MAP7: variants seen among roughly 807,000 people sequenced by gnomAD.
MAP7 encodes ensconsin.
In MAP7, 52 loss-of-function variants were observed where a neutral mutation model predicts 94.8. The observed-to-expected ratio is 0.55, with a 90% confidence interval of 0.44 to 0.69. MAP7 has a LOEUF of 0.69. Ranked by LOEUF, MAP7 falls within the 30% of genes least tolerant of loss-of-function variation. MAP7 has a pLI of 0.00. For missense variants in MAP7, 940 were observed against 964.6 expected (o/e 0.97, Z 0.34); for synonymous variants, 350 against 357.0 (o/e 0.98, Z 0.22).
intron 1 of MAP7, among the ~76,000 whole-genome samples, chr6:136,466,056 AG>A (rs1392614960): frequency 6.6e-5 from 10 of 152,350 alleles, no homozygotes; most frequent in African/African-American, 2.4e-4. Context: ...TAGTCTATAA[AG>A]TTCCAATGCT....
At chr6:136,411,837 CTAGAGT>C in intron 2 of MAP7, 140 bp from the exon 3 acceptor site, 1 of 650,108 alleles carries the variant, frequency 1.5e-6, no homozygotes, top group Non-Finnish European at 2.6e-6. Flanking sequence ...GTACATGTGA[CTAGAGT>C]TACAGTGATC....
intron 1 of MAP7, among the ~76,000 whole-genome samples, chr6:136,533,751 C>T (rs1290184990): frequency 6.6e-6 from 1 of 152,138 alleles, no homozygotes; most frequent in Admixed American, 6.5e-5. Context: ...TTTTAAACAA[C>T]CAGCTCTCAC....
intron 5 of MAP7, among the ~76,000 whole-genome samples, chr6:136,386,256 C>T (rs1173894646): frequency 6.6e-6 from 1 of 152,182 alleles, no homozygotes; most frequent in Non-Finnish European, 1.5e-5. Flanking sequence ...GGTTGCTGTT[C>T]TCAAGATCAT....
At position 136,549,701 on chromosome 6, in the gene MAP7, G is replaced by A. The variant is rs931951491; in HGVS notation, c.67+641C>T. Among the ~76,000 whole-genome samples, 4 of 152,338 alleles carry A rather than the reference G, an allele frequency of 2.6e-5. No individual in the cohort carries two copies. In the East Asian group the frequency reaches 7.7e-4, roughly 29 times the overall value. On this transcript the variant is annotated intron_variant, in intron 1 of 17. Coordinates refer to ENST00000354570, the MANE Select transcript of MAP7 (RefSeq NM_003980.6). Reference sequence around the variant, plus strand: ...ACTCTGAGAACTCCGACAAGTCAACGAAAGTCTGATCCCGTCAAGCCCGCA... The same window carrying A: ...ACTCTGAGAACTCCGACAAGTCAACAAAAGTCTGATCCCGTCAAGCCCGCA...
At chr6:136,489,213 T>C (rs1436008713) in intron 1 of MAP7, among the ~76,000 whole-genome samples, 1 of 152,048 alleles carries the variant, frequency 6.6e-6, no homozygotes, top group Non-Finnish European at 1.5e-5. Context: ...TTGCCATCTG[T>C]TGGGGGGAAG....
At chr6:136,522,014 G>A (rs1826526309) in intron 1 of MAP7, among the ~76,000 whole-genome samples, 1 of 152,182 alleles carries the variant, frequency 6.6e-6, no homozygotes, top group South Asian at 2.1e-4. Context: ...AACCCCAGCA[G>A]AGTAATCTGC....
At chr6:136,350,683 T>G (rs759183289) in intron 16 of MAP7, among the ~76,000 whole-genome samples, 1 of 152,132 alleles carries the variant, frequency 6.6e-6, no homozygotes, top group Non-Finnish European at 1.5e-5. Context: ...GGAGACCTAA[T>G]CTCTATAAAA....
intron 1 of MAP7, among the ~76,000 whole-genome samples, chr6:136,436,867 T>C (rs1161971862): frequency 6.6e-6 from 1 of 152,230 alleles, no homozygotes; most frequent in Non-Finnish European, 1.5e-5. Context: ...TTTTAGAAGA[T>C]TTTGATCATA....
intron 1 of MAP7, among the ~76,000 whole-genome samples, chr6:136,519,301 T>C (rs1037622912): frequency 1.3e-5 from 2 of 152,244 alleles, no homozygotes; most frequent in African/African-American, 2.4e-5. Flanking sequence ...GATACCACTG[T>C]TCTAAAATAC....
rs1308188752 is a variant in MAP7 at position 136,342,926 on chromosome 6, A to C, written c.*1302T>G. ...ACTAAAGACCATATGCCTGGATTAAAAAAAATAGTCCAATAGATGAAGTCT... is the reference window on the plus strand; with the variant it reads ...ACTAAAGACCATATGCCTGGATTAACAAAAATAGTCCAATAGATGAAGTCT... On this transcript the variant is annotated 3_prime_UTR_variant, in exon 18 of 18. Coordinates refer to ENST00000354570, the MANE Select transcript of MAP7 (RefSeq NM_003980.6). 4 of 152,196 alleles carry C rather than the reference A, an allele frequency of 2.6e-5. No individual in the cohort carries two copies. The highest frequency in any genetic ancestry group is 6.5e-5 in the Admixed American group (1 of 15,276). 9.4% of individuals were successfully genotyped at this position (152,196 alleles called of 1,614,324 possible).
intron 1 of MAP7, among the ~76,000 whole-genome samples, chr6:136,536,516 AAAGT>A (rs1828902041): frequency 6.6e-6 from 1 of 152,206 alleles, no homozygotes; most frequent in Non-Finnish European, 1.5e-5. Flanking sequence ...CCTTTTTCAT[AAAGT>A]GTAATGGCTA....
chr6:136,483,677 CA>C (rs1269774026), intron 1 of MAP7, among the ~76,000 whole-genome samples: 3 of 151,278 alleles, frequency 2.0e-5, no homozygotes, highest in African/African-American at 7.3e-5. Context: ...CAAAACAAAA[CA>C]AAAAAAAGTT....
At chr6:136,503,759 G>A (rs1290741543) in intron 1 of MAP7, among the ~76,000 whole-genome samples, 1 of 152,204 alleles carries the variant, frequency 6.6e-6, no homozygotes, top group Non-Finnish European at 1.5e-5. Context: ...TCAAGTGGAA[G>A]TGAATATGGG....
chr6:136,531,455 T>C (rs1464435426), intron 1 of MAP7, among the ~76,000 whole-genome samples: 1 of 144,504 alleles, frequency 6.9e-6, no homozygotes, highest in Non-Finnish European at 1.5e-5. Context: ...AGTAAAATCA[T>C]GTTAAAGATG....
At chr6:136,403,885 G>A (rs918005142) in intron 3 of MAP7, among the ~76,000 whole-genome samples, 1 of 152,130 alleles carries the variant, frequency 6.6e-6, no homozygotes, top group Non-Finnish European at 1.5e-5. Context: ...ATGCATTTAG[G>A]TCCCTCAGCT....
intron 1 of MAP7, among the ~76,000 whole-genome samples, chr6:136,477,861 TCTC>T (rs1444617954): frequency 6.6e-6 from 1 of 152,188 alleles, no homozygotes; most frequent in African/African-American, 2.4e-5. Flanking sequence ...TACACATTCT[TCTC>T]CTCAGCACAT....
chr6:136,488,744 C>CTA (rs1562455856), intron 1 of MAP7, among the ~76,000 whole-genome samples: 1 of 151,864 alleles, frequency 6.6e-6, no homozygotes, highest in Non-Finnish European at 1.5e-5. Context: ...TGCCTGGCCG[C>CTA]TAGGTACTTC....
At chr6:136,513,313 A>T (rs904449641) in intron 1 of MAP7, among the ~76,000 whole-genome samples, 2 of 152,204 alleles carry the variant, frequency 1.3e-5, no homozygotes, top group African/African-American at 2.4e-5. Flanking sequence ...TTATCAACTA[A>T]GCTTATGTAA....
intron 3 of MAP7, among the ~76,000 whole-genome samples, chr6:136,402,352 T>C (rs1420332991): frequency 2.0e-5 from 3 of 152,230 alleles, no homozygotes; most frequent in African/African-American, 7.2e-5. Context: ...TCTCCAAGCA[T>C]AGTGATTCAC....
Sources: gnomAD v4.1 joint callset for allele counts (sites outside exome capture counted in the v4.1 genomes callset) on GRCh38, gnomAD v4.1.1 for gene constraint, MANE v1.5 for transcripts, NCBI Gene and HGNC (gene_info 2026-07-23, HGNC 2026-07-21) for gene names.